Variants in PCDH9 observed in about 807,000 individuals in gnomAD.
The protein encoded by PCDH9 is protocadherin-9.
Under a neutral mutation model 70.6 loss-of-function variants are expected in PCDH9, and 24 were observed. That is an observed-to-expected ratio of 0.34 (90% CI 0.25 to 0.48). The LOEUF (loss-of-function observed/expected upper bound fraction) is 0.48. PCDH9 is among the 20% of genes least tolerant of loss of function. The pLI, the probability that PCDH9 is intolerant of heterozygous loss-of-function variation, is 0.99. For missense variants in PCDH9, 1,281 were observed against 1,503.6 expected, an observed-to-expected ratio of 0.85 and a Z score of 2.45; for synonymous variants, 562 against 558.5, an observed-to-expected ratio of 1.01 and a Z score of -0.09.
chr13:66,880,171 A>G (rs1340319215), intron 3 of PCDH9: 1 of 152,200 alleles, frequency 6.6e-6, no homozygotes, highest in Non-Finnish European at 1.5e-5. Context: ...AATAAATCAA[A>G]GTAAGTGGAA....
At chr13:67,139,567 G>GT (rs2087321392) in intron 2 of PCDH9, among the ~76,000 whole-genome samples, 1 of 152,168 alleles carries the variant, frequency 6.6e-6, no homozygotes, top group Admixed American at 6.5e-5. Context: ...ATGCACTATT[G>GT]TAAGATTTCG....
chr13:66,536,823 G>A (rs1439829532), intron 4 of PCDH9, among the ~76,000 whole-genome samples: 2 of 42,908 alleles, frequency 4.7e-5, no homozygotes, highest in African/African-American at 5.7e-5. Context: ...ATGAGTGGGC[G>A]TTTAAAAGCA....
At chr13:66,612,021 A>G (rs563457438) in intron 4 of PCDH9, among the ~76,000 whole-genome samples, 1 of 152,310 alleles carries the variant, frequency 6.6e-6, no homozygotes, top group East Asian at 1.9e-4. Context: ...TATTTTATGG[A>G]TTCTCCATGG....
At chr13:66,802,769 C>T (rs1024677453) in intron 3 of PCDH9, among the ~76,000 whole-genome samples, 2 of 152,030 alleles carry the variant, frequency 1.3e-5, no homozygotes, top group African/African-American at 2.4e-5. Context: ...TGGCATATAA[C>T]AATTTCTTAC....
intron 4 of PCDH9, among the ~76,000 whole-genome samples, chr13:66,511,112 C>T (rs1423423644): frequency 6.6e-6 from 1 of 152,106 alleles, no homozygotes; most frequent in African/African-American, 2.4e-5. Context: ...TCTCAACATT[C>T]ATATCCAAAA....
intron 4 of PCDH9, among the ~76,000 whole-genome samples, chr13:66,337,598 A>AAAACAAAC (rs71106965): frequency 0.37 from 55,973 of 151,092 alleles, 10,964 homozygotes; most frequent in Non-Finnish European, 0.44. Flanking sequence ...GGTACTTGTT[A>AAAACAAAC]AAACAAACAA....
At chr13:66,747,618 T>G (rs2079391475) in intron 3 of PCDH9, among the ~76,000 whole-genome samples, 1 of 152,174 alleles carries the variant, frequency 6.6e-6, no homozygotes, top group Non-Finnish European at 1.5e-5. Context: ...CAAAAATGTG[T>G]GTATTAATAT....
intron 2 of PCDH9, among the ~76,000 whole-genome samples, chr13:67,008,714 A>G (rs2084398512): frequency 6.6e-6 from 1 of 152,126 alleles, no homozygotes; most frequent in Admixed American, 6.6e-5. Context: ...TCTACTCAAC[A>G]TGTAGCAATT....
intron 4 of PCDH9, among the ~76,000 whole-genome samples, chr13:66,460,980 G>C (rs528490128): frequency 6.6e-6 from 1 of 151,708 alleles, no homozygotes; most frequent in African/African-American, 2.4e-5. Context: ...ATTGGCCCAG[G>C]GTTTTTCATA....
At chr13:66,457,426 T>A (rs1958339082) in intron 4 of PCDH9, among the ~76,000 whole-genome samples, 1 of 152,074 alleles carries the variant, frequency 6.6e-6, no homozygotes, top group Non-Finnish European at 1.5e-5. Context: ...ATTTCCAGTT[T>A]TAAAATAAAG....
chr13:66,337,586 G>C (rs1434818181), intron 4 of PCDH9, among the ~76,000 whole-genome samples: 1 of 127,182 alleles, frequency 7.9e-6, no homozygotes, highest in African/African-American at 2.7e-5. Flanking sequence ...AACTCATCTG[G>C]AGGTACTTGT....
intron 3 of PCDH9, among the ~76,000 whole-genome samples, chr13:66,801,091 T>C (rs1283575898): frequency 1.3e-5 from 2 of 149,946 alleles, no homozygotes; most frequent in Non-Finnish European, 3.0e-5. Flanking sequence ...AGGAGGGGGA[T>C]GTAGGTCTGT....
chr13:66,346,595 C>T (rs956524085), intron 4 of PCDH9, among the ~76,000 whole-genome samples: 2 of 152,196 alleles, frequency 1.3e-5, no homozygotes, highest in Non-Finnish European at 2.9e-5. Context: ...TCAATTCCTG[C>T]AATACCCCCA....
chr13:66,551,132 A>AT (rs1187086151), intron 4 of PCDH9, among the ~76,000 whole-genome samples: 1 of 151,948 alleles, frequency 6.6e-6, no homozygotes, highest in African/African-American at 2.4e-5. Flanking sequence ...CAAATACTTT[A>AT]TTTTTTGCTG....
At chr13:67,002,195 A>T (rs2084259494) in intron 2 of PCDH9, among the ~76,000 whole-genome samples, 1 of 152,174 alleles carries the variant, frequency 6.6e-6, no homozygotes, top group African/African-American at 2.4e-5. Flanking sequence ...CAGAGTAATT[A>T]TGAAGAAAAA....
At chr13:66,495,459 C>A (rs983037998) in intron 4 of PCDH9, among the ~76,000 whole-genome samples, 1 of 152,080 alleles carries the variant, frequency 6.6e-6, no homozygotes, top group Non-Finnish European at 1.5e-5. Flanking sequence ...TCCTTCAAGG[C>A]GAGATGGGGA....
chr13:66,373,196 C>A lies in PCDH9; in HGVS notation c.3341-68168G>T, dbSNP rs9540730. Reference sequence around the variant, plus strand: ...TTCTGACACAAACCAGATGAATAAACCTTAAGGACGTTATGCCAGATGAAA... The same window carrying A: ...TTCTGACACAAACCAGATGAATAAAACTTAAGGACGTTATGCCAGATGAAA... On this transcript the variant is annotated intron_variant, in intron 4 of 4. Coordinates refer to ENST00000377865, the MANE Select transcript of PCDH9 (RefSeq NM_203487.3). Among the ~76,000 whole-genome samples, 1,367 of 151,924 alleles carry A rather than the reference C, an allele frequency of 9.0e-3. 15 individuals are homozygous for A. The highest frequency in any genetic ancestry group is 0.017 in the Middle Eastern group (5 of 294).
intron 2 of PCDH9, among the ~76,000 whole-genome samples, chr13:66,933,668 T>C (rs2082853952): frequency 1.3e-5 from 2 of 152,074 alleles, no homozygotes; most frequent in South Asian, 4.1e-4. Context: ...AAATGTTCAG[T>C]TCTCCTGTTT....
At chr13:67,080,854 A>T (rs1229801410) in intron 2 of PCDH9, among the ~76,000 whole-genome samples, 2 of 152,208 alleles carry the variant, frequency 1.3e-5, no homozygotes, top group Non-Finnish European at 2.9e-5. Context: ...TGAAGTATAC[A>T]TGTATTACCT....
Sources: gnomAD v4.1 joint callset for allele counts (sites outside exome capture counted in the v4.1 genomes callset) on GRCh38, gnomAD v4.1.1 for gene constraint, MANE v1.5 for transcripts, NCBI Gene and HGNC (gene_info 2026-07-23, HGNC 2026-07-21) for gene names.